ADAMTS18: variants seen among roughly 807,000 people sequenced by gnomAD.
ADAMTS18 encodes ADAM metallopeptidase with thrombospondin type 1 motif 18.
In ADAMTS18, 157 loss-of-function variants were observed where a neutral mutation model predicts 165.9. The ratio of observed to expected loss-of-function variants is 0.95; its 90% CI spans 0.83 to 1.08. ADAMTS18 has a LOEUF of 1.08. Ranked by LOEUF, ADAMTS18 falls within the 50% of genes least tolerant of loss-of-function variation. The pLI is 0.00. For missense variants in ADAMTS18, 2,040 were observed against 1,534.0 expected (o/e 1.33, Z -5.51); for synonymous variants, 782 against 578.2 (o/e 1.35, Z -5.06).
intron 3 of ADAMTS18, among the ~76,000 whole-genome samples, chr16:77,411,634 G>A (rs1312016599): frequency 6.8e-6 from 1 of 146,158 alleles, no homozygotes; most frequent in East Asian, 2.0e-4. Flanking sequence ...CCTTGTGATG[G>A]TTAATTTTAT....
intron 16 of ADAMTS18, among the ~76,000 whole-genome samples, chr16:77,314,753 C>CTT (rs1555511655): frequency 0.016 from 598 of 36,810 alleles, 87 homozygotes; most frequent in Middle Eastern, 0.083. Context: ...TCTCAGGTTT[C>CTT]ATATATATAT....
At chr16:77,388,876 G>C (rs1294498816) in intron 3 of ADAMTS18, among the ~76,000 whole-genome samples, 5 of 152,206 alleles carry the variant, frequency 3.3e-5, no homozygotes, top group South Asian at 4.1e-4. Flanking sequence ...ATAAGTGTTT[G>C]TCGATTTAAT....
intron 11 of ADAMTS18, among the ~76,000 whole-genome samples, chr16:77,337,019 C>T (rs1371996356): frequency 6.6e-6 from 1 of 152,206 alleles, no homozygotes; most frequent in Non-Finnish European, 1.5e-5. Flanking sequence ...CATTTGGCTT[C>T]ATGACTGTTT....
chr16:77,352,696 C>A (rs949422212), intron 10 of ADAMTS18, among the ~76,000 whole-genome samples: 1 of 152,058 alleles, frequency 6.6e-6, no homozygotes. Flanking sequence ...AGAAGAGGAA[C>A]AGGAGTAGAG....
At chr16:77,304,865 G>C (rs1054232777) in intron 16 of ADAMTS18, among the ~76,000 whole-genome samples, 2 of 152,150 alleles carry the variant, frequency 1.3e-5, no homozygotes, top group Non-Finnish European at 2.9e-5. Flanking sequence ...ATTGTTTATA[G>C]TTTATTTCCT....
intron 4 of ADAMTS18, among the ~76,000 whole-genome samples, chr16:77,366,064 C>T (rs1171869006): frequency 6.6e-6 from 1 of 152,056 alleles, no homozygotes; most frequent in Non-Finnish European, 1.5e-5. Flanking sequence ...TCAATAATAC[C>T]AAAAACTCAA....
At chr16:77,390,053 T>C (rs538503180) in intron 3 of ADAMTS18, among the ~76,000 whole-genome samples, 1 of 152,262 alleles carries the variant, frequency 6.6e-6, no homozygotes, top group East Asian at 1.9e-4. Flanking sequence ...ACTTTGAGCT[T>C]TACCCTAAGA....
intron 16 of ADAMTS18, among the ~76,000 whole-genome samples, chr16:77,300,799 T>C (rs2055568095): frequency 6.6e-6 from 1 of 152,156 alleles, no homozygotes; most frequent in Non-Finnish European, 1.5e-5. Flanking sequence ...AGTCGTACCC[T>C]ACAGAAAATA....
chr16:77,291,175 CCATTAACAGACTAA>C (rs1271681005), intron 21 of ADAMTS18, 77 bp downstream of exon 21: 1 of 1,408,840 alleles, frequency 7.1e-7, no homozygotes, highest in Non-Finnish European at 1.0e-6. Context: ...ACTTAGACAA[CCATTAACAGACTAA>C]GAGCAACTGT....
At chr16:77,292,369 C>T (rs1320319681) in intron 20 of ADAMTS18, among the ~76,000 whole-genome samples, 1 of 152,122 alleles carries the variant, frequency 6.6e-6, no homozygotes, top group South Asian at 2.1e-4. Flanking sequence ...ATGATTTTTC[C>T]ACCCCATCCC....
intron 12 of ADAMTS18, among the ~76,000 whole-genome samples, chr16:77,334,808 T>C: frequency 8.1e-6 from 1 of 123,136 alleles, no homozygotes; most frequent in East Asian, 2.3e-4. Flanking sequence ...TATACTATAG[T>C]ATACAGTATA....
At chr16:77,387,866 A>G (rs1273237961) in intron 3 of ADAMTS18, among the ~76,000 whole-genome samples, 1 of 152,022 alleles carries the variant, frequency 6.6e-6, no homozygotes. Flanking sequence ...TCCTGCCCCC[A>G]TTTGGGTGCT....
chr16:77,284,637 T>A (rs1342847183), intron 22 of ADAMTS18, among the ~76,000 whole-genome samples: 4 of 152,094 alleles, frequency 2.6e-5, no homozygotes, highest in African/African-American at 9.7e-5. Context: ...ATTAAATGAT[T>A]TGTTTTTAAA....
At chr16:77,358,979 A>G (rs1220205446) in intron 8 of ADAMTS18, among the ~76,000 whole-genome samples, 5 of 152,212 alleles carry the variant, frequency 3.3e-5, no homozygotes. Context: ...TTTGGGAATT[A>G]ATTTTTCTCC....
intron 22 of ADAMTS18, among the ~76,000 whole-genome samples, chr16:77,284,746 C>A (rs994388247): frequency 6.6e-6 from 1 of 152,140 alleles, no homozygotes; most frequent in African/African-American, 2.4e-5. Context: ...TAAAATGGTG[C>A]TTTAGGGATC....
chr16:77,374,582 G>A (rs2056923120), intron 3 of ADAMTS18, among the ~76,000 whole-genome samples: 1 of 152,158 alleles, frequency 6.6e-6, no homozygotes, highest in Admixed American at 6.5e-5. Flanking sequence ...AATTATCCCT[G>A]AAAGCCCTCC....
At chr16:77,370,636 A>C (rs1288780039) in intron 3 of ADAMTS18, among the ~76,000 whole-genome samples, 1 of 152,040 alleles carries the variant, frequency 6.6e-6, no homozygotes, top group Non-Finnish European at 1.5e-5. Flanking sequence ...TGTAGTCGCA[A>C]CTACTCAGGA....
At chr16:77,360,985 C>G (rs958494091) in intron 7 of ADAMTS18, among the ~76,000 whole-genome samples, 8 of 152,050 alleles carry the variant, frequency 5.3e-5, no homozygotes, top group Non-Finnish European at 1.2e-4. Context: ...ACTCTGGAGG[C>G]TGAGGCAGGA....
At chr16:77,300,111 A>G (rs1286668554) in intron 17 of ADAMTS18, 152 bp downstream of exon 17, 8 of 868,208 alleles carry the variant, frequency 9.2e-6, no homozygotes, top group Non-Finnish European at 1.4e-5. Flanking sequence ...ACCCTTAACT[A>G]ATGCCATAAT....
Sources: gnomAD v4.1 joint callset for allele counts (sites outside exome capture counted in the v4.1 genomes callset) on GRCh38, gnomAD v4.1.1 for gene constraint, MANE v1.5 for transcripts, NCBI Gene and HGNC (gene_info 2026-07-23, HGNC 2026-07-21) for gene names.